RRAS: variants seen among roughly 807,000 people sequenced by gnomAD.
RRAS encodes ras-related protein R-Ras.
In RRAS, 18 loss-of-function variants were observed where a neutral mutation model predicts 23.3. The observed-to-expected ratio is 0.77, with a 90% CI of 0.53 to 1.15. The LOEUF is 1.15. RRAS is among the 50% of genes most tolerant of loss of function. The pLI is 0.00. For synonymous variants in RRAS, 133 were observed against 138.3 expected, an observed-to-expected ratio of 0.96 and a Z score of 0.27; for missense variants, 291 against 317.1, an observed-to-expected ratio of 0.92 and a Z score of 0.62.
intron 1 of RRAS, among the ~76,000 whole-genome samples, chr19:49,638,006 T>G (rs2081004779): frequency 6.6e-6 from 1 of 152,056 alleles, no homozygotes. Flanking sequence ...ATTGAATGTA[T>G]CAGTTATCGG....
intron 1 of RRAS, 131 bp from the exon 2 acceptor site, chr19:49,637,261 C>G: frequency 3.0e-6 from 2 of 672,928 alleles, no homozygotes; most frequent in Non-Finnish European, 5.3e-6. Context: ...GGTCTCTGCC[C>G]CCTTTTCTCT....
chr19:49,639,438 CAAAAAAAAA>C, intron 1 of RRAS, among the ~76,000 whole-genome samples: 1 of 120,384 alleles, frequency 8.3e-6, no homozygotes, highest in South Asian at 2.8e-4. Flanking sequence ...GACTCTGTCT[CAAAAAAAAA>C]AAAAAAGAAA....
chr19:49,636,342 A>G lies in RRAS; in HGVS notation c.453+277T>C, dbSNP rs2080996023. 6.6e-6 allele frequency among the ~76,000 whole-genome samples: 1 copy of G among 151,832 alleles called. No individual in the cohort carries two copies. Among genetic ancestry groups the G allele is most frequent in the Non-Finnish European group, 1.5e-5 (1 of 67,926 alleles). ...GGTGGGAGGTTGGCTGGAAGGGAGG[A>G]ATGCGAGGAAGGGGCAAAGAGAGCT... On this transcript the variant is annotated intron_variant, in intron 4 of 5. Transcript: ENST00000246792. This position sits in a 1 kb window ranked among gnomAD's most constrained non-coding sequence, Gnocchi z 4.5.
At chr19:49,638,013 T>C (rs775309624) in intron 1 of RRAS, among the ~76,000 whole-genome samples, 4 of 152,172 alleles carry the variant, frequency 2.6e-5, no homozygotes, top group Middle Eastern at 3.2e-3. Context: ...GTATCAGTTA[T>C]CGGAGGCGTT....
Position 49,637,068 on chromosome 19 carries a change from C to T in RRAS, c.216G>A (p.Val72=), listed in dbSNP as rs1185280291. 1.9e-6 allele frequency: 3 copies of T among 1,613,632 alleles called. No individual in the cohort carries two copies. The highest frequency in any genetic ancestry group is 1.7e-6 in the Non-Finnish European group (2 of 1,179,990). Residue 72 remains valine (V), a synonymous_variant, in exon 2 of 6, where the codon GTG becomes GTA. Transcript: ENST00000246792. ...TGTCCAGCCGGGCTGGGATGCCATC[C>T]ACACTGCAGATCTTCGTGTAGGAGT... is the stretch of plus-strand genomic sequence containing the variant. ...IEDSYTKICS[V]DGIPARLDIL... is the part of the protein sequence containing the mutation.
intron 1 of RRAS, 51 bp from the exon 2 acceptor site, chr19:49,637,181 G>A (rs1421201966): frequency 8.6e-6 from 12 of 1,393,970 alleles, no homozygotes; most frequent in South Asian, 1.2e-5. Flanking sequence ...CAGACAGGAC[G>A]AAGCCCTGCC....
In RRAS at chr19:49,637,095, C is replaced by T; in HGVS notation, c.189G>A (p.Glu63=). ...CACTGCAGATCTTCGTGTAGGAGTC[C>T]TCAATAGTGGGGTCGTAGTCAGACA... The part of the protein sequence containing the change: ...YFVSDYDPTI[E]DSYTKICSVD... The change falls in exon 2 of 6, where the codon GAG becomes GAA. Residue 63 remains glutamate, a synonymous_variant. Transcript: ENST00000246792. 1 of 1,613,560 alleles carries T rather than the reference C, an allele frequency of 6.2e-7. No individual in the cohort carries two copies. The highest frequency in any genetic ancestry group is 1.6e-4 in the Middle Eastern group (1 of 6,062).
Position 49,635,794 on chromosome 19 carries a change from G to C in RRAS, c.512C>G (p.Ala171Gly). 1.3e-6 allele frequency: 2 copies of C among 1,582,668 alleles called. No individual in the cohort carries two copies. The highest frequency in any genetic ancestry group is 3.4e-4 in the Middle Eastern group (2 of 5,956). The change falls in exon 5 of 6, where the codon GCC (alanine) becomes GGC (glycine). Residue 171 changes from alanine to glycine, a missense_variant. Coordinates refer to ENST00000246792, the MANE Select transcript of RRAS (RefSeq NM_006270.5). ...CACGTTGAGACGCAGTTTGGCCGAG[G>C]CCTCAAAGTAGGCCACGTGGTGGGA... ...GASHHVAYFE[A>G]SAKLRLNVDE...
At chr19:49,638,436 C>G (rs1240920622) in intron 1 of RRAS, among the ~76,000 whole-genome samples, 1 of 152,082 alleles carries the variant, frequency 6.6e-6, no homozygotes, top group African/African-American at 2.4e-5. Flanking sequence ...TTCTTTGAAG[C>G]TGGGAGGACC....
chr19:49,637,054 G>A lies in RRAS; in HGVS notation c.230C>T (p.Ala77Val). ...CTTGCCGCCCTCACTGTCCAGCCGG[G>A]CTGGGATGCCATCCACACTGCAGAT... ...TKICSVDGIP[A>V]RLDILDTAGQ... The change falls in exon 2 of 6, where the codon GCC (alanine) becomes GTC (valine). Residue 77 changes from alanine to valine, a missense_variant. Transcript: ENST00000246792. 2 of 1,613,682 alleles carry A rather than the reference G, an allele frequency of 1.2e-6. No homozygotes were observed. Among genetic ancestry groups the A allele is most frequent in the Non-Finnish European group, 1.7e-6 (2 of 1,179,942 alleles).
Position 49,640,058 on chromosome 19 carries a change from G to A in RRAS, c.41C>T (p.Pro14Leu). 6.7e-7 allele frequency: 1 copy of A among 1,483,074 alleles called. No homozygotes were observed. Among genetic ancestry groups the A allele is most frequent in the Non-Finnish European group, 8.9e-7 (1 of 1,125,530 alleles). 91.9% of individuals were successfully genotyped at this position (1,483,074 alleles called of 1,614,324 possible). ...GAASGTGRGR[P>L]RGGGPGPGDP... ...CCCGGGCCCAGGTCCCCCGCCCCGGGGCCGCCCCCGCCCTGTCCCGGACGC... is the reference window on the plus strand; with the variant it reads ...CCCGGGCCCAGGTCCCCCGCCCCGGAGCCGCCCCCGCCCTGTCCCGGACGC... Residue 14 changes from proline to leucine, a missense_variant, in exon 1 of 6, where the codon CCC (proline) becomes CTC (leucine). Physicochemically the swap from Pro to Leu is moderately conservative, Grantham distance 98. Transcript: ENST00000246792.
rs1599814766 is a variant in RRAS at position 49,638,132 on chromosome 19, C to G, written c.154-1002G>C. 7.2e-5 allele frequency among the ~76,000 whole-genome samples: 11 copies of G among 152,294 alleles called. 1 individual carries two copies. The South Asian group carries it at 2.3e-3, about 32-fold the overall frequency. ...TCTCCTTCTCCTGCTCAGGCGGCCT[C>G]CAGCGTCTCCTCCCAGGGGAAGGTC... On this transcript the variant is annotated intron_variant, in intron 1 of 5. Transcript: ENST00000246792.
In RRAS at chr19:49,635,808, C is replaced by T. The variant is rs1411684410; in HGVS notation, c.498G>A (p.Val166=). ...EASAFGASHH[V]AYFEASAKLR... is the part of the protein sequence containing the mutation. Reference sequence around the variant, plus strand: ...GTTTGGCCGAGGCCTCAAAGTAGGCCACGTGGTGGGAGGCGCCGAAGGCAG... The same window carrying T: ...GTTTGGCCGAGGCCTCAAAGTAGGCTACGTGGTGGGAGGCGCCGAAGGCAG... Residue 166 remains valine, a synonymous_variant, in exon 5 of 6, where the codon GTG becomes GTA. Coordinates refer to ENST00000246792, the MANE Select transcript of RRAS (RefSeq NM_006270.5). 1 of 1,596,496 alleles carries T rather than the reference C, an allele frequency of 6.3e-7. No individual in the cohort carries two copies. The highest frequency in any genetic ancestry group is 8.6e-7 in the Non-Finnish European group (1 of 1,168,048).
In RRAS at chr19:49,636,998, C is replaced by T. The variant is rs1264022818; in HGVS notation, c.241+45G>A. The T allele has an allele frequency of 8.7e-6, 14 of 1,606,984 alleles. No homozygotes were observed. The highest frequency in any genetic ancestry group is 3.3e-5 in the Admixed American group (2 of 59,876). On this transcript the variant is annotated intron_variant, in intron 2 of 5. Coordinates refer to ENST00000246792, the MANE Select transcript of RRAS (RefSeq NM_006270.5). This position sits in a 1 kb window ranked among gnomAD's most constrained non-coding sequence, Gnocchi z 4.5. ...AGTCACCCCCAAGAGCCCTCAGCCC[C>T]CACTGACACCACCCCCATCCATCAT...
chr19:49,638,565 G>T (rs973443961), intron 1 of RRAS, among the ~76,000 whole-genome samples: 1 of 152,084 alleles, frequency 6.6e-6, no homozygotes, highest in East Asian at 1.9e-4. Flanking sequence ...TTGGTGAGGG[G>T]CTTGTCCTGG....
chr19:49,637,672 G>T (rs569838845), intron 1 of RRAS, among the ~76,000 whole-genome samples: 48 of 151,446 alleles, frequency 3.2e-4, no homozygotes, highest in African/African-American at 1.1e-3. Context: ...CTTTTCTCTG[G>T]GTCTCTGTCC....
intron 1 of RRAS, among the ~76,000 whole-genome samples, chr19:49,638,839 T>C (rs1183731132): frequency 6.6e-6 from 1 of 151,704 alleles, no homozygotes; most frequent in Non-Finnish European, 1.5e-5. Context: ...ATTTGAGAGC[T>C]ATTCAGGGTT....
chr19:49,635,967 A>T, intron 4 of RRAS, 115 bp from the exon 5 acceptor site: 1 of 545,064 alleles, frequency 1.8e-6, no homozygotes, highest in Middle Eastern at 5.0e-4. Context: ...GTGAGAACTC[A>T]AAGAGGAAGA....
chr19:49,638,919 G>A (rs1284719365), intron 1 of RRAS, among the ~76,000 whole-genome samples: 1 of 151,516 alleles, frequency 6.6e-6, no homozygotes, highest in Non-Finnish European at 1.5e-5. Context: ...TTCCTTGGGG[G>A]TGGGGTGGGA....
Sources: gnomAD v4.1 joint callset for allele counts (sites outside exome capture counted in the v4.1 genomes callset) on GRCh38, gnomAD v4.1.1 for gene constraint, Gnocchi (gnomAD v3.1) non-coding constraint, MANE v1.5 for transcripts, NCBI Gene and HGNC (gene_info 2026-07-23, HGNC 2026-07-21) for gene names.